TTC21B: variants seen among roughly 807,000 people sequenced by gnomAD.
TTC21B encodes the protein tetratricopeptide repeat domain 21B, also known as tetratricopeptide repeat protein 21B.
In TTC21B, 127 loss-of-function variants were observed where a neutral mutation model predicts 175.1. That is an observed-to-expected ratio of 0.73 (90% CI 0.63 to 0.84). The LOEUF is 0.84. Ranked by LOEUF, TTC21B falls within the 40% of genes least tolerant of loss-of-function variation. The probability of loss-of-function intolerance (pLI) is 0.00; values close to 1 mark genes in which losing one functional copy is unlikely to be tolerated. For synonymous variants in TTC21B, 524 were observed against 524.5 expected (o/e 1.00, Z 0.01); for missense variants, 1,561 against 1,558.3 (o/e 1.00, Z -0.03).
At chr2:165,920,515 C>G (rs1559060183) in intron 12 of TTC21B, among the ~76,000 whole-genome samples, 2 of 152,048 alleles carry the variant, frequency 1.3e-5, no homozygotes, top group African/African-American at 2.4e-5. Context: ...CAAAACTGCA[C>G]AGGTACAAAA....
Position 165,874,592 on chromosome 2 carries a change from T to C in TTC21B, c.*163A>G. The C allele has an allele frequency of 1.6e-6, 1 of 636,940 alleles. No homozygotes were observed. Among genetic ancestry groups the C allele is most frequent in the South Asian group, 1.9e-5 (1 of 53,992 alleles). 39.5% of individuals were successfully genotyped at this position (636,940 alleles called of 1,614,324 possible). On this transcript the variant is annotated 3_prime_UTR_variant, in exon 29 of 29. Transcript: ENST00000243344. The stretch of plus-strand genomic sequence containing the variant: ...TCAACTCCATTAGGAAACACCAATT[T>C]CACATAGTACTTCTCTTGATGTACA...
intron 19 of TTC21B, among the ~76,000 whole-genome samples, chr2:165,905,390 A>C (rs977522586): frequency 6.6e-6 from 1 of 152,086 alleles, no homozygotes; most frequent in African/African-American, 2.4e-5. Context: ...GATTGTCAAG[A>C]AAAAAATTGT....
intron 7 of TTC21B, among the ~76,000 whole-genome samples, 160 bp from the exon 8 acceptor site, chr2:165,932,016 CAT>C (rs1287012808): frequency 6.6e-6 from 1 of 152,058 alleles, no homozygotes; most frequent in African/African-American, 2.4e-5. Context: ...TGTTATAAAA[CAT>C]ATTTAAGATT....
At chr2:165,920,978 T>C (rs1386027911) in intron 12 of TTC21B, among the ~76,000 whole-genome samples, 1 of 152,114 alleles carries the variant, frequency 6.6e-6, no homozygotes, top group Non-Finnish European at 1.5e-5. Flanking sequence ...AATAAAGCAT[T>C]TGGCTGACGT....
At chr2:165,909,809 A>G (rs1383347451) in intron 18 of TTC21B, among the ~76,000 whole-genome samples, 1 of 152,216 alleles carries the variant, frequency 6.6e-6, no homozygotes, top group East Asian at 1.9e-4. Context: ...ATACAGTGGA[A>G]TACTCTACAT....
chr2:165,950,614 GGTTT>G (rs1279346580), intron 1 of TTC21B, among the ~76,000 whole-genome samples: 2 of 152,234 alleles, frequency 1.3e-5, no homozygotes, highest in Non-Finnish European at 2.9e-5. Flanking sequence ...AGACAGCTCT[GGTTT>G]GTTTGTTTTG....
intron 22 of TTC21B, among the ~76,000 whole-genome samples, chr2:165,894,877 C>CTATA (rs1476258013): frequency 1.4e-4 from 22 of 152,216 alleles, no homozygotes; most frequent in African/African-American, 5.1e-4. Flanking sequence ...TAGTAAAATA[C>CTATA]TATAAGTAAT....
At chr2:165,931,732 C>A in intron 8 of TTC21B, 26 bp downstream of exon 8, 2 of 1,575,742 alleles carry the variant, frequency 1.3e-6, no homozygotes, top group Non-Finnish European at 1.7e-6. Context: ...GATAACAGAG[C>A]TCTGGTACAT....
intron 6 of TTC21B, among the ~76,000 whole-genome samples, chr2:165,938,768 G>C (rs1308964094): frequency 6.6e-6 from 1 of 151,828 alleles, no homozygotes; most frequent in African/African-American, 2.4e-5. Context: ...GGAAGGGAGA[G>C]GGAAAGAAAG....
intron 13 of TTC21B, 57 bp from the exon 14 acceptor site, chr2:165,917,538 A>G: frequency 7.5e-7 from 1 of 1,328,786 alleles, no homozygotes; most frequent in South Asian, 1.2e-5. Context: ...CACATAATTT[A>G]CAATCCATCA....
chr2:165,952,513 G>A (rs1020112799), intron 1 of TTC21B, among the ~76,000 whole-genome samples: 2 of 152,172 alleles, frequency 1.3e-5, no homozygotes, highest in African/African-American at 4.8e-5. Context: ...CGAAGGTGGG[G>A]TGAAAAGCCT....
chr2:165,890,920 T>C lies in TTC21B; in HGVS notation c.3019A>G (p.Arg1007Gly). Residue 1007 changes from arginine (R) to glycine (G), a missense_variant, in exon 23 of 29, where the codon AGA (arginine) becomes GGA (glycine). Physicochemically the swap from Arg to Gly is moderately radical, Grantham distance 125. Coordinates refer to ENST00000243344, the MANE Select transcript of TTC21B (RefSeq NM_024753.5). ...RRCGKLEDVP[R>G]FFSMAEKRNS... The stretch of plus-strand genomic sequence containing the variant: ...CGTTTCTCAGCCATTGAGAAAAATC[T>C]TGGGACATCCTCGAGTTTTCCACAT... 1 of 1,613,380 alleles carries C rather than the reference T, an allele frequency of 6.2e-7. No individual in the cohort carries two copies. Among genetic ancestry groups the C allele is most frequent in the Non-Finnish European group, 8.5e-7 (1 of 1,179,484 alleles).
chr2:165,904,211 T>C (rs1685654974), intron 19 of TTC21B, among the ~76,000 whole-genome samples: 1 of 109,052 alleles, frequency 9.2e-6, no homozygotes, highest in East Asian at 3.6e-4. Context: ...TTGTAGCTTC[T>C]GGTAACTAAC....
chr2:165,931,892 A>C, intron 7 of TTC21B, 36 bp from the exon 8 acceptor site: 1 of 1,417,362 alleles, frequency 7.1e-7, no homozygotes, highest in South Asian at 1.2e-5. Context: ...CTTAAAATAT[A>C]CTAAGTAAAA....
At chr2:165,914,698 T>TGTACGTGCGCGCGCGCGCG in intron 15 of TTC21B, among the ~76,000 whole-genome samples, 1 of 132,376 alleles carries the variant, frequency 7.6e-6, no homozygotes, top group Non-Finnish European at 1.6e-5. Flanking sequence ...TGTGTGTGTG[T>TGTACGTGCGCGCGCGCGCG]TGTGTATCCC....
intron 22 of TTC21B, among the ~76,000 whole-genome samples, chr2:165,895,801 T>C (rs567844422): frequency 1.7e-4 from 26 of 152,250 alleles, no homozygotes; most frequent in Non-Finnish European, 2.6e-4. Flanking sequence ...CATCTGAGTA[T>C]ACTCTGGAAT....
intron 15 of TTC21B, among the ~76,000 whole-genome samples, 157 bp downstream of exon 15, chr2:165,915,044 G>C (rs541390077): frequency 4.1e-4 from 62 of 152,200 alleles, no homozygotes; most frequent in African/African-American, 1.4e-3. Flanking sequence ...AACTTGGTTA[G>C]AGTGATTGCA....
At chr2:165,888,571 C>T in intron 24 of TTC21B, 97 bp from the exon 25 acceptor site, 1 of 846,598 alleles carries the variant, frequency 1.2e-6, no homozygotes, top group Non-Finnish European at 1.9e-6. Flanking sequence ...TCTGGGCACT[C>T]TTTTATACTC....
intron 22 of TTC21B, among the ~76,000 whole-genome samples, chr2:165,894,223 G>C (rs551564161): frequency 5.9e-5 from 9 of 152,116 alleles, no homozygotes; most frequent in Non-Finnish European, 1.3e-4. Context: ...TATGAAGGAA[G>C]GGGAAAGCTC....
Sources: allele counts gnomAD v4.1 joint callset (sites outside exome capture counted in the v4.1 genomes callset), GRCh38; gene constraint gnomAD v4.1.1; transcripts MANE v1.5; gene names NCBI Gene and HGNC (gene_info 2026-07-23, HGNC 2026-07-21).